Variants in GMPR observed in about 807,000 individuals in gnomAD.
The protein encoded by GMPR is guanosine monophosphate reductase.
Under a neutral mutation model 38.4 loss-of-function variants are expected in GMPR, and 31 were observed. The ratio of observed to expected loss-of-function variants is 0.81; its 90% CI spans 0.61 to 1.09. The LOEUF is 1.09. Ranked by LOEUF, GMPR falls within the 50% of genes least tolerant of loss-of-function variation. The probability of loss-of-function intolerance (pLI) is 0.00; values close to 1 mark genes in which losing one functional copy is unlikely to be tolerated. For synonymous variants in GMPR, 162 were observed against 173.3 expected (o/e 0.93, Z 0.51); for missense variants, 468 against 453.7 (o/e 1.03, Z -0.29).
At chr6:16,254,049 G>T (rs1758926798) in intron 3 of GMPR, among the ~76,000 whole-genome samples, 1 of 152,072 alleles carries the variant, frequency 6.6e-6, no homozygotes, top group South Asian at 2.1e-4. Flanking sequence ...TCCTGCCTCA[G>T]CCTCCCAAGG....
intron 1 of GMPR, among the ~76,000 whole-genome samples, chr6:16,238,997 C>A (rs66929956): frequency 6.6e-6 from 1 of 152,106 alleles, no homozygotes; most frequent in Admixed American, 6.5e-5. Flanking sequence ...ACACGTCGGT[C>A]CCGTTGGGTG....
chr6:16,271,408 C>T (rs1040830655), intron 4 of GMPR, among the ~76,000 whole-genome samples: 1 of 152,188 alleles, frequency 6.6e-6, no homozygotes, highest in Non-Finnish European at 1.5e-5. Flanking sequence ...ATCGCTTGAG[C>T]CTGGGAAGTT....
intron 4 of GMPR, among the ~76,000 whole-genome samples, chr6:16,268,125 TC>T (rs1237496529): frequency 1.3e-5 from 2 of 152,220 alleles, no homozygotes; most frequent in African/African-American, 4.8e-5. Context: ...CAGGCCGTGT[TC>T]CCTGGATTTT....
intron 7 of GMPR, among the ~76,000 whole-genome samples, chr6:16,287,116 T>G (rs1759700516): frequency 6.6e-6 from 1 of 152,118 alleles, no homozygotes; most frequent in Admixed American, 6.5e-5. Context: ...TCCTATTTTA[T>G]AGTTGAGGGG....
intron 4 of GMPR, among the ~76,000 whole-genome samples, chr6:16,271,774 C>T (rs1160961846): frequency 6.6e-6 from 1 of 152,184 alleles, no homozygotes; most frequent in African/African-American, 2.4e-5. Flanking sequence ...AAAGTTTGAT[C>T]ATCTCTTCAC....
intron 1 of GMPR, among the ~76,000 whole-genome samples, chr6:16,245,407 T>C (rs938368907): frequency 6.6e-6 from 1 of 152,240 alleles, no homozygotes; most frequent in Non-Finnish European, 1.5e-5. Context: ...GACTTAATGC[T>C]GATCGCAAAG....
intron 4 of GMPR, among the ~76,000 whole-genome samples, chr6:16,268,544 T>C (rs932794686): frequency 1.3e-5 from 2 of 152,180 alleles, no homozygotes; most frequent in African/African-American, 4.8e-5. Flanking sequence ...CCTCCCAAAG[T>C]GTTGGGATTA....
chr6:16,282,692 C>T (rs571202938), intron 6 of GMPR, among the ~76,000 whole-genome samples: 6 of 152,310 alleles, frequency 3.9e-5, no homozygotes, highest in African/African-American at 1.4e-4. Flanking sequence ...CCTTTCTCTG[C>T]CTACTCCATG....
Position 16,246,829 on chromosome 6 carries a change from T to C in GMPR, c.88-13T>C, listed in dbSNP as rs1249641667. ...TTTCTTTCCCTTTTTCTTTCTTTTT[T>C]TTTGGCCAACAGGTGGATCTTGAAC... is the stretch of plus-strand genomic sequence containing the variant. On this transcript the variant is annotated splice_polypyrimidine_tract_variant and intron_variant, in intron 1 of 8. Transcript: ENST00000259727. 1 of 1,606,474 alleles carries C rather than the reference T, an allele frequency of 6.2e-7. No homozygotes were observed. The highest frequency in any genetic ancestry group is 1.7e-5 in the Admixed American group (1 of 58,224).
chr6:16,242,793 C>T (rs1041314225), intron 1 of GMPR, among the ~76,000 whole-genome samples: 2 of 152,108 alleles, frequency 1.3e-5, no homozygotes, highest in Admixed American at 6.5e-5. Context: ...CATGCACCAC[C>T]ACGTCCAACT....
In GMPR at chr6:16,295,403, C is replaced by T. The variant is rs1433075823; in HGVS notation, c.*217C>T. 8 of 439,442 alleles carry T rather than the reference C, an allele frequency of 1.8e-5. No individual in the cohort carries two copies. The highest frequency in any genetic ancestry group is 3.2e-5 in the Non-Finnish European group (8 of 253,290). The allele number at this position is 439,442 out of a possible 1,614,324, so 27.2% of individuals were successfully genotyped here. ...CACCGATTGGGCCAACATCAGAGCC[C>T]TGCTGCCCAGAACTCATAACCTCAT... On this transcript the variant is annotated 3_prime_UTR_variant, in exon 9 of 9. Coordinates refer to ENST00000259727, the MANE Select transcript of GMPR (RefSeq NM_006877.4).
chr6:16,273,854 C>T (rs1477699057), intron 4 of GMPR, among the ~76,000 whole-genome samples: 1 of 128,374 alleles, frequency 7.8e-6, no homozygotes, highest in African/African-American at 3.1e-5. Flanking sequence ...CTTGCTCTGT[C>T]GTCCAGGCTG....
intron 4 of GMPR, 30 bp downstream of exon 4, chr6:16,254,765 A>T: frequency 1.3e-6 from 2 of 1,538,940 alleles, no homozygotes; most frequent in Non-Finnish European, 1.8e-6. Flanking sequence ...ACGGTAGAAC[A>T]TTCTCAAGAT....
At chr6:16,290,347 A>G in intron 7 of GMPR, 115 bp from the exon 8 acceptor site, 2 of 900,838 alleles carry the variant, frequency 2.2e-6, no homozygotes, top group South Asian at 1.5e-5. Flanking sequence ...CTTTCTCTTG[A>G]CTATAGCTGG....
At chr6:16,249,362 G>A (rs1758822527) in intron 2 of GMPR, among the ~76,000 whole-genome samples, 7 of 151,916 alleles carry the variant, frequency 4.6e-5, no homozygotes, top group Admixed American at 4.6e-4. Context: ...TAGAGATGGG[G>A]TTTCACTATG....
At chr6:16,277,699 C>G (rs2113696189) in intron 5 of GMPR, among the ~76,000 whole-genome samples, 1 of 152,312 alleles carries the variant, frequency 6.6e-6, no homozygotes, top group South Asian at 2.1e-4. Flanking sequence ...TCACACAGAT[C>G]CTGATTGAAA....
chr6:16,272,044 C>A (rs1759397760), intron 4 of GMPR, among the ~76,000 whole-genome samples: 1 of 152,060 alleles, frequency 6.6e-6, no homozygotes, highest in Admixed American at 6.6e-5. Flanking sequence ...AACCCCATCT[C>A]TACTAAAAAT....
At chr6:16,294,343 AAGAC>A (rs1169783038) in intron 8 of GMPR, among the ~76,000 whole-genome samples, 3 of 152,192 alleles carry the variant, frequency 2.0e-5, no homozygotes, top group Non-Finnish European at 2.9e-5. Context: ...GCAAAGCAGA[AAGAC>A]AGGCAGGCTA....
At chr6:16,261,547 T>TG (rs1307411744) in intron 4 of GMPR, among the ~76,000 whole-genome samples, 1 of 151,900 alleles carries the variant, frequency 6.6e-6, no homozygotes, top group East Asian at 1.9e-4. Context: ...TTTGGCACCA[T>TG]GGGGTGGATA....
Sources: gnomAD v4.1 joint callset for allele counts (sites outside exome capture counted in the v4.1 genomes callset) on GRCh38, gnomAD v4.1.1 for gene constraint, MANE v1.5 for transcripts, NCBI Gene and HGNC (gene_info 2026-07-23, HGNC 2026-07-21) for gene names.